CACNA1C: variants seen among roughly 807,000 people sequenced by gnomAD.
CACNA1C encodes the protein calcium voltage-gated channel subunit alpha1 C.
A neutral mutation model predicts 229.0 loss-of-function variants in CACNA1C; 30 were observed. The observed-to-expected ratio is 0.13, with a 90% confidence interval of 0.10 to 0.18. The LOEUF (loss-of-function observed/expected upper bound fraction) is 0.18, where lower values mean the gene tolerates loss of function less well. CACNA1C is among the 10% of genes least tolerant of loss of function. CACNA1C has a pLI of 1.00. For synonymous variants in CACNA1C, 1,114 were observed against 1,132.5 expected, an observed-to-expected ratio of 0.98 and a Z score of 0.33; for missense variants, 1,658 against 2,845.0, an observed-to-expected ratio of 0.58 and a Z score of 9.49.
intron 45 of CACNA1C, 21 bp downstream of exon 45, chr12:2,686,290 G>GT: frequency 6.4e-7 from 1 of 1,554,222 alleles, no homozygotes; most frequent in Non-Finnish European, 8.9e-7. Flanking sequence ...CTTTTGGACA[G>GT]GCCACTGTCA....
At chr12:2,010,448 C>A (rs1009126768) in intron 1 of CACNA1C, among the ~76,000 whole-genome samples, 2 of 152,134 alleles carry the variant, frequency 1.3e-5, no homozygotes, top group Non-Finnish European at 2.9e-5. Flanking sequence ...TTGAAAAAGT[C>A]AGAAATTCTC....
At chr12:2,122,880 A>G (rs1457229997) in intron 3 of CACNA1C, among the ~76,000 whole-genome samples, 1 of 152,178 alleles carries the variant, frequency 6.6e-6, no homozygotes, top group Non-Finnish European at 1.5e-5. Flanking sequence ...ACAACCCGAG[A>G]GAACTCCAAC....
chr12:2,620,157 A>G (rs1048857062), intron 29 of CACNA1C, among the ~76,000 whole-genome samples: 1 of 152,138 alleles, frequency 6.6e-6, no homozygotes, highest in Admixed American at 6.5e-5. Flanking sequence ...CCCATTTTAC[A>G]TCTGAAGAAA....
chr12:2,674,562 A>G lies in CACNA1C; in HGVS notation c.4748A>G (p.Glu1583Gly). 6.4e-7 allele frequency: 1 copy of G among 1,569,360 alleles called. No individual in the cohort carries two copies. The highest frequency in any genetic ancestry group is 2.3e-5 in the East Asian group (1 of 42,570). ...KTEGNLEQAN[E>G]ELRAIIKKIW... ...GCAGGGAACCTAGAACAAGCCAATG[A>G]GGAGCTGCGGGCGATCATCAAGAAG... The change falls in exon 39 of 47, where the codon GAG (glutamate) becomes GGG (glycine). Residue 1583 changes from glutamate (E) to glycine (G), a missense_variant. Glu to Gly is a moderately conservative substitution (Grantham distance 98, BLOSUM62 -2). Coordinates refer to ENST00000399655, the MANE Select transcript of CACNA1C (RefSeq NM_000719.7).
intron 22 of CACNA1C, 86 bp from the exon 23 acceptor site, chr12:2,604,995 C>T: frequency 2.0e-6 from 2 of 995,388 alleles, no homozygotes; most frequent in Admixed American, 3.5e-5. Flanking sequence ...CTCGGATTCA[C>T]CTGTCAGGAC....
intron 5 of CACNA1C, among the ~76,000 whole-genome samples, chr12:2,468,441 G>A (rs2099571586): frequency 1.3e-5 from 2 of 151,772 alleles, no homozygotes; most frequent in Admixed American, 1.3e-4. Flanking sequence ...TCGGCCCAGT[G>A]GTCTAGAAAC....
chr12:2,338,904 A>G (rs2096780342), intron 3 of CACNA1C, among the ~76,000 whole-genome samples: 1 of 152,188 alleles, frequency 6.6e-6, no homozygotes, highest in Non-Finnish European at 1.5e-5. Context: ...AACAGGTTTT[A>G]TGATCCAATC....
intron 6 of CACNA1C, among the ~76,000 whole-genome samples, chr12:2,491,312 A>G (rs2099728626): frequency 6.6e-6 from 1 of 152,206 alleles, no homozygotes; most frequent in African/African-American, 2.4e-5. Flanking sequence ...TGGCTGCATG[A>G]CTATATAAAC....
At chr12:2,614,962 T>C (rs2079702305) in intron 29 of CACNA1C, 1 of 148,102 alleles carries the variant, frequency 6.8e-6, no homozygotes, top group Non-Finnish European at 1.5e-5. Flanking sequence ...CTTAAATTCA[T>C]ACTCTGTTCA....
intron 5 of CACNA1C, among the ~76,000 whole-genome samples, chr12:2,461,165 C>G (rs2099498690): frequency 6.6e-6 from 1 of 152,196 alleles, no homozygotes; most frequent in Admixed American, 6.5e-5. Context: ...ACTGCTGCAC[C>G]AAAACATCTC....
Position 2,568,109 on chromosome 12 carries a change from T to C in CACNA1C, c.1895+315T>C, listed in dbSNP as rs534860730. On this transcript the variant is annotated intron_variant, in intron 13 of 46. Transcript: ENST00000399655. Reference sequence around the variant, plus strand: ...GGGTCAGGGACTCAATCTCTTCTCCTGTGCTTCACCAGCCTTGGTGCTGAT... The same window carrying C: ...GGGTCAGGGACTCAATCTCTTCTCCCGTGCTTCACCAGCCTTGGTGCTGAT... 1.4e-3 allele frequency among the ~76,000 whole-genome samples: 220 copies of C among 152,292 alleles called. 1 individual carries two copies. Among genetic ancestry groups the C allele is most frequent in the African/African-American group, 5.1e-3 (212 of 41,558 alleles).
intron 1 of CACNA1C, among the ~76,000 whole-genome samples, chr12:2,080,355 A>G (rs2065050944): frequency 6.6e-6 from 1 of 152,260 alleles, no homozygotes; most frequent in African/African-American, 2.4e-5. Flanking sequence ...TAATTCCAGC[A>G]CTTTGAGAAG....
chr12:2,391,123 G>A (rs1269383188), intron 3 of CACNA1C, among the ~76,000 whole-genome samples: 6 of 152,192 alleles, frequency 3.9e-5, no homozygotes, highest in African/African-American at 1.4e-4. Context: ...GATCACACAA[G>A]CCTGCTTCAG....
At chr12:2,121,101 C>G (rs944278158) in intron 3 of CACNA1C, among the ~76,000 whole-genome samples, 1 of 152,168 alleles carries the variant, frequency 6.6e-6, no homozygotes, top group Non-Finnish European at 1.5e-5. Context: ...GAAAAGAGCT[C>G]TGGAATGCAG....
chr12:2,166,572 C>T (rs559267525), intron 3 of CACNA1C, among the ~76,000 whole-genome samples: 1 of 152,112 alleles, frequency 6.6e-6, no homozygotes, highest in Admixed American at 6.5e-5. Flanking sequence ...TTATCGGTTA[C>T]TAATTTTATA....
chr12:2,370,554 C>T (rs1453344288), intron 3 of CACNA1C, among the ~76,000 whole-genome samples: 4 of 152,042 alleles, frequency 2.6e-5, no homozygotes, highest in African/African-American at 9.7e-5. Flanking sequence ...ACATTAATAG[C>T]AGGATATAAA....
chr12:2,060,915 CT>C, intron 1 of CACNA1C, among the ~76,000 whole-genome samples: 1 of 152,216 alleles, frequency 6.6e-6, no homozygotes, highest in Non-Finnish European at 1.5e-5. Flanking sequence ...GCTCTATTTA[CT>C]TTATAACCAT....
At chr12:2,531,271 G>C (rs1314908830) in intron 9 of CACNA1C, among the ~76,000 whole-genome samples, 1 of 152,176 alleles carries the variant, frequency 6.6e-6, no homozygotes, top group Non-Finnish European at 1.5e-5. Flanking sequence ...TTTTGTCAGA[G>C]AGGCAAGCAC....
intron 3 of CACNA1C, among the ~76,000 whole-genome samples, chr12:2,272,154 TCAATCCTGTCTA>T (rs1423048630): frequency 1.3e-5 from 2 of 152,114 alleles, no homozygotes; most frequent in African/African-American, 2.4e-5. Flanking sequence ...GCAGGCCAAA[TCAATCCTGTCTA>T]CAATCTGCTG....
Sources: gnomAD v4.1 joint callset for allele counts (sites outside exome capture counted in the v4.1 genomes callset) on GRCh38, gnomAD v4.1.1 for gene constraint, MANE v1.5 for transcripts, NCBI Gene and HGNC (gene_info 2026-07-23, HGNC 2026-07-21) for gene names.